CNTNAP2: variants seen among roughly 807,000 people sequenced by gnomAD.
CNTNAP2 encodes the protein contactin-associated protein-like 2.
CNTNAP2 carries 98 observed loss-of-function variants against 155.2 expected under a neutral mutation model. The ratio of observed to expected loss-of-function variants is 0.63; its 90% CI spans 0.54 to 0.75. The LOEUF (loss-of-function observed/expected upper bound fraction) is 0.75, where lower values mean the gene tolerates loss of function less well. Ranked by LOEUF, CNTNAP2 falls within the 30% of genes least tolerant of loss-of-function variation. The pLI, the probability that CNTNAP2 is intolerant of heterozygous loss-of-function variation, is 0.00. For missense variants in CNTNAP2, 1,727 were observed against 1,688.1 expected, an observed-to-expected ratio of 1.02 and a Z score of -0.40; for synonymous variants, 651 against 631.2, an observed-to-expected ratio of 1.03 and a Z score of -0.47.
chr7:148,018,143 G>A (rs1802212437), intron 15 of CNTNAP2, among the ~76,000 whole-genome samples: 1 of 152,122 alleles, frequency 6.6e-6, no homozygotes, highest in Admixed American at 6.5e-5. Flanking sequence ...TAACACGACT[G>A]GTACCTGCAA....
At chr7:146,428,647 T>G (rs1356061774) in intron 1 of CNTNAP2, among the ~76,000 whole-genome samples, 1 of 152,082 alleles carries the variant, frequency 6.6e-6, no homozygotes, top group African/African-American at 2.4e-5. Context: ...CTCTGTATAT[T>G]AGACCTTTGT....
chr7:148,399,540 T>G (rs1336212508), intron 22 of CNTNAP2, among the ~76,000 whole-genome samples: 3 of 152,202 alleles, frequency 2.0e-5, no homozygotes, highest in Non-Finnish European at 4.4e-5. Context: ...GCTTTAGAGA[T>G]TCAACTTGTA....
intron 8 of CNTNAP2, among the ~76,000 whole-genome samples, chr7:147,204,798 AAATGG>A (rs1802987901): frequency 6.6e-6 from 1 of 152,200 alleles, no homozygotes; most frequent in South Asian, 2.1e-4. Context: ...TCATTTTAAA[AAATGG>A]AAAATGTTAA....
chr7:148,046,359 T>C (rs1802774395), intron 15 of CNTNAP2, among the ~76,000 whole-genome samples: 1 of 152,208 alleles, frequency 6.6e-6, no homozygotes, highest in South Asian at 2.1e-4. Flanking sequence ...ACATGTAGTT[T>C]ATATCCATAT....
Position 148,418,228 on chromosome 7 carries a change from A to G in CNTNAP2, c.*2612A>G, listed in dbSNP as rs1390305262. On this transcript the variant is annotated 3_prime_UTR_variant, in exon 24 of 24. Coordinates refer to ENST00000361727, the MANE Select transcript of CNTNAP2 (RefSeq NM_014141.6). ...TGGTAAATAATCTGTTTATGTGAAG[A>G]AAAAGAATTAAGTCTTTCTTCCAAC... is the stretch of plus-strand genomic sequence containing the variant. The G allele has an allele frequency of 1.3e-5, 2 of 152,224 alleles. No homozygotes were observed. Among genetic ancestry groups the G allele is most frequent in the Non-Finnish European group, 2.9e-5 (2 of 68,042 alleles). The allele number at this position is 152,224 out of a possible 1,614,324, so 9.4% of individuals were successfully genotyped here.
intron 14 of CNTNAP2, among the ~76,000 whole-genome samples, chr7:147,948,357 T>G (rs935177939): frequency 3.3e-5 from 5 of 152,120 alleles, no homozygotes; most frequent in African/African-American, 1.2e-4. Context: ...AGGGGATGGA[T>G]TCCCCATTCT....
At chr7:147,851,219 G>A (rs1173663834) in intron 13 of CNTNAP2, among the ~76,000 whole-genome samples, 1 of 152,106 alleles carries the variant, frequency 6.6e-6, no homozygotes, top group Non-Finnish European at 1.5e-5. Context: ...AAACCACAAT[G>A]AGATACCATC....
intron 13 of CNTNAP2, among the ~76,000 whole-genome samples, chr7:147,824,783 G>C (rs1798422067): frequency 6.6e-6 from 1 of 151,916 alleles, no homozygotes; most frequent in South Asian, 2.1e-4. Flanking sequence ...AGAAGTAAGA[G>C]AAGTGAATGG....
Position 147,489,376 on chromosome 7 carries a change from TGTCGTTTAAGAACAAAAGAGG to T in CNTNAP2, c.1777+3336_1777+3356del, listed in dbSNP as rs575426950. 3.7e-3 allele frequency among the ~76,000 whole-genome samples: 558 copies of T among 152,314 alleles called. 5 individuals carry two copies. The highest frequency in any genetic ancestry group is 0.013 in the African/African-American group (531 of 41,566). ...TCACAGGAAAGGGAAAGCCAGTTTT[TGTCGTTTAAGAACAAAAGAGG>T]CAAGTTTGTTACAAAATGCAAATAC... On this transcript the variant is annotated intron_variant, in intron 11 of 23. Transcript: ENST00000361727.
Position 147,710,327 on chromosome 7 carries a change from A to AT in CNTNAP2, c.2098+71022dup, listed in dbSNP as rs146701606. The stretch of plus-strand genomic sequence containing the variant: ...CTTAGCTTAGCACATAAATCCCATC[A>AT]TAATTTATCCTCTGTTTCCCACCAT... On this transcript the variant is annotated intron_variant, in intron 13 of 23. Transcript: ENST00000361727. Among the ~76,000 whole-genome samples, 1,068 of 152,284 alleles carry AT rather than the reference A, an allele frequency of 7.0e-3. 8 individuals carry two copies. Among genetic ancestry groups the AT allele is most frequent in the African/African-American group, 0.024 (995 of 41,560 alleles).
At chr7:147,303,571 G>T (rs549627061) in intron 9 of CNTNAP2, among the ~76,000 whole-genome samples, 1 of 152,288 alleles carries the variant, frequency 6.6e-6, no homozygotes, top group South Asian at 2.1e-4. Flanking sequence ...AGAAATACTA[G>T]TATAGTGGAA....
At chr7:146,151,677 T>C (rs1268661236) in intron 1 of CNTNAP2, among the ~76,000 whole-genome samples, 1 of 40,438 alleles carries the variant, frequency 2.5e-5, no homozygotes, top group Non-Finnish European at 4.7e-5. Context: ...TATATATATA[T>C]ATATGTATAT....
chr7:146,622,601 C>T (rs185926682), intron 1 of CNTNAP2, among the ~76,000 whole-genome samples: 1 of 151,932 alleles, frequency 6.6e-6, no homozygotes, highest in Non-Finnish European at 1.5e-5. Flanking sequence ...AATCAATTAC[C>T]ATGTCAATCA....
intron 12 of CNTNAP2, among the ~76,000 whole-genome samples, chr7:147,578,594 T>C (rs1227322724): frequency 6.6e-6 from 1 of 152,166 alleles, no homozygotes; most frequent in Non-Finnish European, 1.5e-5. Context: ...TTCAGAGATG[T>C]GAAGTATATT....
chr7:146,821,411 C>A (rs1585106688), intron 2 of CNTNAP2, among the ~76,000 whole-genome samples: 1 of 152,038 alleles, frequency 6.6e-6, no homozygotes, highest in East Asian at 1.9e-4. Context: ...TTTTATTTCT[C>A]CTTCACTTAT....
intron 8 of CNTNAP2, among the ~76,000 whole-genome samples, chr7:147,216,315 A>G (rs1803268435): frequency 2.0e-5 from 3 of 152,004 alleles, no homozygotes; most frequent in Admixed American, 6.6e-5. Context: ...CTAGCTTTGT[A>G]TATTACCTTT....
intron 12 of CNTNAP2, among the ~76,000 whole-genome samples, chr7:147,581,373 A>G (rs1800496384): frequency 6.6e-6 from 1 of 152,216 alleles, no homozygotes; most frequent in Admixed American, 6.5e-5. Context: ...CACAATTCAA[A>G]TCTACCTTCA....
intron 1 of CNTNAP2, among the ~76,000 whole-genome samples, chr7:146,314,580 A>C (rs558374135): frequency 2.0e-5 from 3 of 152,246 alleles, no homozygotes; most frequent in African/African-American, 7.2e-5. Flanking sequence ...CAAGTTTAAA[A>C]GTCACCTTTT....
rs1484248567 is a variant in CNTNAP2, at chr7:148,419,984, G to A, written c.*4368G>A. The stretch of plus-strand genomic sequence containing the variant: ...CCCTTATATAAAGACTGAAGTCAAC[G>A]GAGCCTAGTGAAAGACTTACTTTGT... On this transcript the variant is annotated 3_prime_UTR_variant, in exon 24 of 24. Transcript: ENST00000361727. The A allele has an allele frequency of 6.6e-6, 1 of 152,140 alleles. No homozygotes were observed. Among genetic ancestry groups the A allele is most frequent in the Non-Finnish European group, 1.5e-5 (1 of 68,038 alleles). The allele number at this position is 152,140 out of a possible 1,614,324, so 9.4% of individuals were successfully genotyped here.
Sources: allele counts gnomAD v4.1 joint callset (sites outside exome capture counted in the v4.1 genomes callset), GRCh38; gene constraint gnomAD v4.1.1; transcripts MANE v1.5; gene names NCBI Gene and HGNC (gene_info 2026-07-23, HGNC 2026-07-21).